IL1RAPL2: variants seen among roughly 807,000 people sequenced by gnomAD.
The protein encoded by IL1RAPL2 is interleukin 1 receptor accessory protein like 2.
A neutral mutation model predicts 44.1 loss-of-function variants in IL1RAPL2; 3 were observed. The ratio of observed to expected loss-of-function variants is 0.07; its 90% CI spans 0.03 to 0.18. The LOEUF is 0.18. Ranked by LOEUF, IL1RAPL2 falls within the 10% of genes least tolerant of loss-of-function variation. The pLI, the probability that IL1RAPL2 is intolerant of heterozygous loss-of-function variation, is 1.00. For synonymous variants in IL1RAPL2, 181 were observed against 178.8 expected, an observed-to-expected ratio of 1.01 and a Z score of -0.10; for missense variants, 391 against 496.4, an observed-to-expected ratio of 0.79 and a Z score of 2.02.
At chrX:104,756,870 A>G (rs1932348344) in intron 2 of IL1RAPL2, among the ~76,000 whole-genome samples, 3 of 109,876 alleles carry the variant, frequency 2.7e-5, no homozygotes, top group African/African-American at 6.6e-5. Context: ...CATCAAGTGC[A>G]AAGGCCCTGA....
chrX:104,625,176 T>A (rs1257807680), intron 1 of IL1RAPL2, among the ~76,000 whole-genome samples: 1 of 111,682 alleles, frequency 9.0e-6, no homozygotes, highest in African/African-American at 3.3e-5. Flanking sequence ...GGATAAGCCA[T>A]CCTCCATCCA....
At chrX:105,114,827 C>T (rs771229055) in intron 2 of IL1RAPL2, among the ~76,000 whole-genome samples, 2 of 111,948 alleles carry the variant, frequency 1.8e-5, no homozygotes, top group South Asian at 7.5e-4. Context: ...TGGAATTGCT[C>T]CTCCCCTATT....
At chrX:104,608,662 C>CTTTT (rs60105376) in intron 1 of IL1RAPL2, among the ~76,000 whole-genome samples, 51 of 58,504 alleles carry the variant, frequency 8.7e-4, no homozygotes, top group Non-Finnish European at 1.1e-3. Flanking sequence ...GCAACCCCTG[C>CTTTT]TTTTTTTTTT....
chrX:105,243,883 T>C (rs1325232460), intron 4 of IL1RAPL2, among the ~76,000 whole-genome samples: 1 of 111,153 alleles, frequency 9.0e-6, no homozygotes, highest in Non-Finnish European at 1.9e-5. Context: ...TTCCACCTTT[T>C]GGGTGGGAAA....
rs751773534 is a variant in IL1RAPL2 at position 105,757,663 on chromosome X, A to G, written c.1363+2316A>G. Among the ~76,000 whole-genome samples the G allele has an allele frequency of 1.9e-4, 21 of 111,774 alleles. No individual in the cohort carries two copies. The South Asian group carries it at 7.9e-3, about 42-fold the overall frequency. On this transcript the variant is annotated intron_variant, in intron 10 of 10. Transcript: ENST00000372582. ...TGGTGCACAGGAAGACTCCTTTTAC[A>G]AGTAAGCCATTTGGGACAACTATGC...
At chrX:104,856,715 A>G (rs1922375335) in intron 2 of IL1RAPL2, among the ~76,000 whole-genome samples, 1 of 112,111 alleles carries the variant, frequency 8.9e-6, no homozygotes, top group Non-Finnish European at 1.9e-5. Flanking sequence ...CAGCTTATGG[A>G]GATTGGTAGC....
At chrX:105,341,529 A>G (rs1159168041) in intron 5 of IL1RAPL2, among the ~76,000 whole-genome samples, 4 of 111,958 alleles carry the variant, frequency 3.6e-5, no homozygotes, top group Non-Finnish European at 1.9e-5. Flanking sequence ...AAAACCTTTA[A>G]TCTCTAACTG....
In IL1RAPL2 at chrX:105,220,061, T is replaced by G. The variant is rs781890931; in HGVS notation, c.357-13757T>G. 3.7e-5 allele frequency: 45 copies of G among 1,210,352 alleles called. No individual in the cohort carries two copies. In the East Asian group the frequency reaches 6.2e-4, roughly 17 times the overall value. On this transcript the variant is annotated intron_variant, in intron 3 of 10. Coordinates refer to ENST00000372582, the MANE Select transcript of IL1RAPL2 (RefSeq NM_017416.2). ...TCCGTCTCCTGCTGCTCCCTGAGCT[T>G]CTTCAGGTCTGATGCCAAGGCCTGT... is the stretch of plus-strand genomic sequence containing the variant.
chrX:105,592,042 G>A (rs369266800), intron 6 of IL1RAPL2, among the ~76,000 whole-genome samples: 2 of 111,574 alleles, frequency 1.8e-5, no homozygotes, highest in East Asian at 5.7e-4. Context: ...TTATTGTGTG[G>A]TTATTTAAGT....
intron 2 of IL1RAPL2, among the ~76,000 whole-genome samples, chrX:104,882,764 G>A (rs931253790): frequency 6.3e-5 from 7 of 111,587 alleles, no homozygotes; most frequent in South Asian, 3.8e-4. Flanking sequence ...TTGTTCTTTC[G>A]CTCTTCTCAG....
At chrX:104,665,608 C>A (rs1930474226) in intron 2 of IL1RAPL2, among the ~76,000 whole-genome samples, 2 of 110,670 alleles carry the variant, frequency 1.8e-5, no homozygotes, top group Admixed American at 9.7e-5. Context: ...TTTATGTATC[C>A]TAAATCATAT....
chrX:105,081,092 G>T (rs2032399636), intron 2 of IL1RAPL2, among the ~76,000 whole-genome samples: 1 of 111,515 alleles, frequency 9.0e-6, no homozygotes, highest in African/African-American at 3.3e-5. Flanking sequence ...TGCTGAAGTT[G>T]CTTATCAGCT....
At chrX:105,146,304 A>G (rs1227075031) in intron 2 of IL1RAPL2, among the ~76,000 whole-genome samples, 1 of 110,880 alleles carries the variant, frequency 9.0e-6, no homozygotes, top group African/African-American at 3.3e-5. Context: ...TTTGCATTCT[A>G]GACCTTCCCA....
intron 5 of IL1RAPL2, among the ~76,000 whole-genome samples, chrX:105,364,008 T>C (rs749152047): frequency 2.7e-5 from 3 of 111,736 alleles, no homozygotes; most frequent in South Asian, 3.7e-4. Flanking sequence ...CAAGAAATCA[T>C]TGGAGCTTTT....
intron 3 of IL1RAPL2, among the ~76,000 whole-genome samples, chrX:105,207,681 A>G (rs1556153735): frequency 9.0e-6 from 1 of 111,427 alleles, no homozygotes; most frequent in African/African-American, 3.3e-5. Flanking sequence ...ATTTAATTAA[A>G]CTAGCAGTGC....
chrX:105,102,665 G>GTA (rs1330730736), intron 2 of IL1RAPL2, among the ~76,000 whole-genome samples: 7 of 111,608 alleles, frequency 6.3e-5, no homozygotes, highest in South Asian at 3.7e-4. Flanking sequence ...GTATATATGT[G>GTA]TATATATATA....
chrX:105,611,696 AC>A (rs1216832726), intron 6 of IL1RAPL2, among the ~76,000 whole-genome samples: 1 of 111,788 alleles, frequency 8.9e-6, no homozygotes, highest in Non-Finnish European at 1.9e-5. Context: ...AAATCACCTA[AC>A]AACTCATTTC....
At chrX:105,570,380 C>G (rs1029069110) in intron 6 of IL1RAPL2, among the ~76,000 whole-genome samples, 2 of 112,157 alleles carry the variant, frequency 1.8e-5, no homozygotes, top group African/African-American at 6.5e-5. Flanking sequence ...CATATTTTTA[C>G]ATTTGTGAAT....
chrX:105,205,289 C>T (rs2033751318), intron 3 of IL1RAPL2, among the ~76,000 whole-genome samples: 2 of 109,573 alleles, frequency 1.8e-5, no homozygotes, highest in South Asian at 4.0e-4. Flanking sequence ...AGGCTTGATT[C>T]GAGAAAGCTA....
Sources: allele counts gnomAD v4.1 joint callset (sites outside exome capture counted in the v4.1 genomes callset), GRCh38; gene constraint gnomAD v4.1.1; transcripts MANE v1.5; gene names NCBI Gene and HGNC (gene_info 2026-07-23, HGNC 2026-07-21).